Variants in SEMA3C observed in about 807,000 individuals in gnomAD.
SEMA3C encodes the protein semaphorin 3C.
Under a neutral mutation model 89.4 loss-of-function variants are expected in SEMA3C, and 47 were observed. The ratio of observed to expected loss-of-function variants is 0.53; its 90% confidence interval spans 0.42 to 0.67. The LOEUF is 0.67. Among genes scored for constraint, SEMA3C ranks in the 30% least tolerant of loss-of-function variants. The pLI, the probability that SEMA3C is intolerant of heterozygous loss-of-function variation, is 0.00. For synonymous variants in SEMA3C, 310 were observed against 320.2 expected (o/e 0.97, Z 0.34); for missense variants, 839 against 929.1 (o/e 0.90, Z 1.26).
chr7:80,883,021 A>C (rs1014104557), intron 2 of SEMA3C, among the ~76,000 whole-genome samples: 1 of 152,102 alleles, frequency 6.6e-6, no homozygotes, highest in African/African-American at 2.4e-5. Flanking sequence ...CATGAGATAC[A>C]CCTGAATCTC....
At chr7:80,770,366 C>T (rs1788401854) in intron 12 of SEMA3C, among the ~76,000 whole-genome samples, 1 of 152,170 alleles carries the variant, frequency 6.6e-6, no homozygotes, top group African/African-American at 2.4e-5. Context: ...GAATGGTATT[C>T]CCTGAATGTA....
chr7:80,892,212 C>T (rs1791631848), intron 2 of SEMA3C, among the ~76,000 whole-genome samples: 1 of 152,068 alleles, frequency 6.6e-6, no homozygotes, highest in South Asian at 2.1e-4. Context: ...GCCAAATTGA[C>T]TAGGATCATT....
At chr7:80,907,175 T>A (rs1287578292) in intron 2 of SEMA3C, among the ~76,000 whole-genome samples, 1 of 152,152 alleles carries the variant, frequency 6.6e-6, no homozygotes, top group Non-Finnish European at 1.5e-5. Context: ...TGTGAAACAG[T>A]GGCAGGAAGC....
intron 2 of SEMA3C, among the ~76,000 whole-genome samples, chr7:80,895,306 G>C (rs1791708229): frequency 6.6e-6 from 1 of 152,112 alleles, no homozygotes; most frequent in South Asian, 2.1e-4. Flanking sequence ...GAAAGCAATG[G>C]AAAATGGAAG....
intron 2 of SEMA3C, among the ~76,000 whole-genome samples, chr7:80,840,558 G>A (rs1236874917): frequency 6.7e-6 from 1 of 148,562 alleles, no homozygotes; most frequent in East Asian, 2.0e-4. Context: ...GAGAGAGAGA[G>A]AGCGCGATGG....
At chr7:80,808,790 C>T (rs1467678767) in intron 6 of SEMA3C, among the ~76,000 whole-genome samples, 2 of 152,144 alleles carry the variant, frequency 1.3e-5, no homozygotes, top group Admixed American at 1.3e-4. Flanking sequence ...CATGACAACT[C>T]AGAGACAGAG....
intron 12 of SEMA3C, among the ~76,000 whole-genome samples, chr7:80,767,838 C>T (rs943489253): frequency 5.3e-5 from 8 of 152,066 alleles, no homozygotes; most frequent in African/African-American, 9.7e-5. Context: ...TCCACAGGCA[C>T]GAGTTACTCT....
At chr7:80,828,515 CTTAT>C (rs530977318) in intron 3 of SEMA3C, 66 bp downstream of exon 3, 140 of 1,255,684 alleles carry the variant, frequency 1.1e-4, no homozygotes, top group East Asian at 1.5e-4. Context: ...TTATTTTTTA[CTTAT>C]TTATTTTTTT....
intron 2 of SEMA3C, among the ~76,000 whole-genome samples, chr7:80,841,061 A>C (rs1243987490): frequency 6.6e-6 from 1 of 152,160 alleles, no homozygotes; most frequent in Admixed American, 6.5e-5. Context: ...TTCTCAGCAG[A>C]AACAAGGAGC....
intron 12 of SEMA3C, among the ~76,000 whole-genome samples, chr7:80,779,292 G>A (rs1226857542): frequency 6.6e-6 from 1 of 152,054 alleles, no homozygotes; most frequent in Non-Finnish European, 1.5e-5. Context: ...GATCAATTTA[G>A]ACTCTCATGC....
rs777689778 is a variant in SEMA3C, at chr7:80,748,905, C to T, written c.1835G>A (p.Arg612Lys). 5 of 1,611,262 alleles carry T rather than the reference C, an allele frequency of 3.1e-6. No individual in the cohort carries two copies. Among genetic ancestry groups the T allele is most frequent in the Non-Finnish European group, 3.4e-6 (4 of 1,178,826 alleles). ...CTGTGCTGCTTTACTCACCTCTTTC[C>T]TCCTGTCTTTGTCTTTCTGTAACAG... The part of the protein sequence containing the change: ...KWLLQKDKDR[R>K]KEVKLNERII... The change falls in exon 17 of 18, where the codon AGG (arginine) becomes AAG (lysine). Residue 612 changes from arginine to lysine, a missense_variant. Transcript: ENST00000265361.
chr7:80,798,222 C>G lies in SEMA3C; in HGVS notation c.1001G>C (p.Gly334Ala). ...TAAATGATACACACACACGGCTGAT[C>G]CTTTGAAAACTGAGCTAAAAAAGAA... is the stretch of plus-strand genomic sequence containing the variant. ...IFTTSSSVFK[G>A]SAVCVYHLSD... Residue 334 changes from glycine (G) to alanine (A), a missense_variant, in exon 11 of 18, where the codon GGA becomes GCA. By Grantham distance (60) the Gly-to-Ala change is moderately conservative. Coordinates refer to ENST00000265361, the MANE Select transcript of SEMA3C (RefSeq NM_006379.5). 3 of 1,452,212 alleles carry G rather than the reference C, an allele frequency of 2.1e-6. No individual in the cohort carries two copies. Among genetic ancestry groups the G allele is most frequent in the Non-Finnish European group, 2.7e-6 (3 of 1,099,316 alleles). 90.0% of individuals were successfully genotyped at this position (1,452,212 alleles called of 1,614,324 possible). A position where few individuals can be genotyped will look rare whatever the true frequency, so the allele number is the denominator to read the frequency against.
At chr7:80,850,685 T>C (rs556829822) in intron 2 of SEMA3C, among the ~76,000 whole-genome samples, 2 of 152,312 alleles carry the variant, frequency 1.3e-5, no homozygotes, top group African/African-American at 4.8e-5. Flanking sequence ...ACAAGTATGG[T>C]ATCTTTTGCT....
intron 4 of SEMA3C, among the ~76,000 whole-genome samples, chr7:80,823,369 G>A (rs976070942): frequency 5.3e-5 from 8 of 151,940 alleles, no homozygotes; most frequent in South Asian, 2.1e-4. Flanking sequence ...AATAAGAGAT[G>A]GTTTATTTTC....
intron 17 of SEMA3C, among the ~76,000 whole-genome samples, chr7:80,746,628 GA>G (rs567108288): frequency 4.0e-5 from 6 of 150,372 alleles, no homozygotes; most frequent in South Asian, 4.2e-4. Context: ...AGATGGCTTT[GA>G]AAAAAAACAC....
intron 4 of SEMA3C, among the ~76,000 whole-genome samples, chr7:80,826,691 A>G (rs1789880510): frequency 6.6e-6 from 1 of 152,096 alleles, no homozygotes; most frequent in Non-Finnish European, 1.5e-5. Flanking sequence ...GCTGTATTAC[A>G]TTTTCATTAT....
chr7:80,881,635 A>G (rs1423492257), intron 2 of SEMA3C, among the ~76,000 whole-genome samples: 2 of 152,206 alleles, frequency 1.3e-5, no homozygotes, highest in Non-Finnish European at 2.9e-5. Flanking sequence ...TACATGTGAT[A>G]TTTGTCTTAG....
At chr7:80,846,684 C>T (rs1025979639) in intron 2 of SEMA3C, among the ~76,000 whole-genome samples, 2 of 152,148 alleles carry the variant, frequency 1.3e-5, no homozygotes, top group African/African-American at 4.8e-5. Context: ...TAAAGACTGT[C>T]CTGATTCTCC....
At chr7:80,842,999 A>G (rs915235239) in intron 2 of SEMA3C, among the ~76,000 whole-genome samples, 11 of 152,162 alleles carry the variant, frequency 7.2e-5, no homozygotes, top group African/African-American at 2.7e-4. Context: ...GTACATTTCC[A>G]GTCCAAAAAT....
Sources: gnomAD v4.1 joint callset for allele counts (sites outside exome capture counted in the v4.1 genomes callset) on GRCh38, gnomAD v4.1.1 for gene constraint, MANE v1.5 for transcripts, NCBI Gene and HGNC (gene_info 2026-07-23, HGNC 2026-07-21) for gene names.